The following SMYD3 variants were observed in gnomAD, a reference collection of about 807,000 sequenced individuals.
SMYD3 encodes the protein histone-lysine N-methyltransferase SMYD3.
A neutral mutation model predicts 57.7 loss-of-function variants in SMYD3; 36 were observed. The ratio of observed to expected loss-of-function variants is 0.62; its 90% CI spans 0.48 to 0.82. The LOEUF is 0.82. SMYD3 is among the 40% of genes least tolerant of loss of function. The probability of loss-of-function intolerance (pLI) is 0.00; values close to 1 mark genes in which losing one functional copy is unlikely to be tolerated. For synonymous variants in SMYD3, 211 were observed against 195.0 expected (o/e 1.08, Z -0.68); for missense variants, 515 against 538.8 (o/e 0.96, Z 0.44).
intron 5 of SMYD3, among the ~76,000 whole-genome samples, chr1:246,145,598 C>T (rs1004113703): frequency 5.9e-5 from 9 of 152,196 alleles, no homozygotes; most frequent in African/African-American, 2.2e-4. Flanking sequence ...AGAGCACAGG[C>T]TTGGCAATCA....
In SMYD3 at chr1:246,277,860, C is replaced by T. The variant is rs76012869; in HGVS notation, c.531+49341G>A. ...CAAAGCAGATCAGTGGTTGCTGCAG[C>T]CAGACGTGTAGGAGGATTGATACCA... is the stretch of plus-strand genomic sequence containing the variant. On this transcript the variant is annotated intron_variant, in intron 5 of 11. Coordinates refer to ENST00000490107, the MANE Select transcript of SMYD3 (RefSeq NM_001167740.2). 5.2e-4 allele frequency among the ~76,000 whole-genome samples: 79 copies of T among 152,230 alleles called. No homozygotes were observed. In the East Asian group the frequency reaches 0.014, roughly 28 times the overall value.
Position 245,979,071 on chromosome 1 carries a change from A to C in SMYD3, c.532-49134T>G, listed in dbSNP as rs185702018. Among the ~76,000 whole-genome samples the C allele has an allele frequency of 8.5e-5, 13 of 152,272 alleles. No homozygotes were observed. In the East Asian group the frequency reaches 2.5e-3, roughly 29 times the overall value. ...CCATGAGTGGGTGGAAATAATATTTAGTGAAAAGAAGAGTCTCGGCATCTT... is the reference window on the plus strand; with the variant it reads ...CCATGAGTGGGTGGAAATAATATTTCGTGAAAAGAAGAGTCTCGGCATCTT... On this transcript the variant is annotated intron_variant, in intron 5 of 11. Transcript: ENST00000490107.
intron 10 of SMYD3, among the ~76,000 whole-genome samples, chr1:245,766,784 A>G (rs1013072371): frequency 2.0e-5 from 3 of 152,216 alleles, no homozygotes; most frequent in African/African-American, 7.2e-5. Flanking sequence ...AAGGAAAGAC[A>G]ATCTTCAGTT....
At chr1:245,793,152 A>T (rs1217822683) in intron 10 of SMYD3, among the ~76,000 whole-genome samples, 1 of 149,020 alleles carries the variant, frequency 6.7e-6, no homozygotes, top group Non-Finnish European at 1.5e-5. Flanking sequence ...TACTAAAAAT[A>T]CAAAAAATGA....
chr1:246,462,002 A>G (rs1256953592), intron 1 of SMYD3, among the ~76,000 whole-genome samples: 1 of 152,246 alleles, frequency 6.6e-6, no homozygotes, highest in Non-Finnish European at 1.5e-5. Flanking sequence ...CACAGAGTAG[A>G]GTACCTAATC....
At chr1:246,416,752 A>G (rs2067068747) in intron 1 of SMYD3, among the ~76,000 whole-genome samples, 3 of 151,986 alleles carry the variant, frequency 2.0e-5, no homozygotes, top group South Asian at 2.1e-4. Context: ...TTAAAAAAAC[A>G]GAAGACCTTA....
At position 246,401,343 on chromosome 1, in the gene SMYD3, T is replaced by A. The variant is rs1010348083; in HGVS notation, c.165-46249A>T. 2.0e-5 allele frequency among the ~76,000 whole-genome samples: 3 copies of A among 152,194 alleles called. No homozygotes were observed. In the East Asian group the frequency reaches 5.8e-4, roughly 29 times the overall value. On this transcript the variant is annotated intron_variant, in intron 1 of 11. Transcript: ENST00000490107. The stretch of plus-strand genomic sequence containing the variant: ...AAGACCCCATCTCTATTTAAACTTT[T>A]TTTTTTTTGAGACACAGTCTTGCTC...
chr1:246,034,166 T>C (rs1243362414), intron 5 of SMYD3, among the ~76,000 whole-genome samples: 4 of 152,186 alleles, frequency 2.6e-5, no homozygotes, highest in African/African-American at 9.7e-5. Flanking sequence ...ACAGAATGCA[T>C]CCTAGTAGAT....
intron 10 of SMYD3, among the ~76,000 whole-genome samples, chr1:245,797,315 G>A (rs535529773): frequency 1.3e-5 from 2 of 152,116 alleles, no homozygotes; most frequent in East Asian, 3.9e-4. Context: ...AAGAAAATGT[G>A]GCATATATAC....
intron 5 of SMYD3, among the ~76,000 whole-genome samples, chr1:246,060,726 C>G (rs1572961243): frequency 6.6e-6 from 1 of 152,102 alleles, no homozygotes; most frequent in Non-Finnish European, 1.5e-5. Context: ...AATCACTCAG[C>G]TCCCATAAAG....
chr1:246,104,596 T>G (rs142197093), intron 5 of SMYD3, among the ~76,000 whole-genome samples: 3 of 152,112 alleles, frequency 2.0e-5, no homozygotes, highest in Non-Finnish European at 4.4e-5. Flanking sequence ...AGGCTGGTCA[T>G]GTTGCAATAG....
intron 8 of SMYD3, among the ~76,000 whole-genome samples, chr1:245,872,571 G>A (rs530514062): frequency 6.6e-6 from 1 of 152,242 alleles, no homozygotes; most frequent in Non-Finnish European, 1.5e-5. Flanking sequence ...GCAACCAGGG[G>A]CTGTGAGCCC....
intron 5 of SMYD3, among the ~76,000 whole-genome samples, chr1:245,981,213 T>C (rs1234412556): frequency 2.0e-5 from 3 of 152,222 alleles, no homozygotes; most frequent in African/African-American, 7.2e-5. Flanking sequence ...ATTGAGGTTT[T>C]AGGACAGGTA....
At chr1:246,060,149 A>G (rs894559636) in intron 5 of SMYD3, among the ~76,000 whole-genome samples, 5 of 152,084 alleles carry the variant, frequency 3.3e-5, no homozygotes, top group Non-Finnish European at 5.9e-5. Flanking sequence ...TTAGCCAGGC[A>G]TGGTGGCACA....
At chr1:246,056,088 A>T (rs1003644191) in intron 5 of SMYD3, among the ~76,000 whole-genome samples, 5 of 152,174 alleles carry the variant, frequency 3.3e-5, no homozygotes, top group African/African-American at 1.2e-4. Flanking sequence ...AAGTAATGGA[A>T]ATGTTCTCTA....
At chr1:245,900,012 C>G (rs147598368) in intron 8 of SMYD3, among the ~76,000 whole-genome samples, 2 of 152,306 alleles carry the variant, frequency 1.3e-5, no homozygotes, top group African/African-American at 4.8e-5. Flanking sequence ...AGCTTGCCAA[C>G]TGCAGATCTT....
At chr1:245,826,406 G>A (rs1219354216) in intron 10 of SMYD3, among the ~76,000 whole-genome samples, 10 of 151,956 alleles carry the variant, frequency 6.6e-5, no homozygotes, top group Non-Finnish European at 1.5e-4. Context: ...ATAGAGAAGG[G>A]GTCTCACTAT....
chr1:246,315,901 C>CA (rs2065148366), intron 5 of SMYD3, among the ~76,000 whole-genome samples: 1 of 152,170 alleles, frequency 6.6e-6, no homozygotes, highest in Non-Finnish European at 1.5e-5. Context: ...TCTTATTTTC[C>CA]ACATCAAATG....
intron 5 of SMYD3, among the ~76,000 whole-genome samples, chr1:246,268,344 G>A (rs750644485): frequency 6.6e-6 from 1 of 152,142 alleles, no homozygotes; most frequent in Non-Finnish European, 1.5e-5. Flanking sequence ...ACATCAGGAA[G>A]TTACCCTATA....
Sources: allele counts gnomAD v4.1 joint callset (sites outside exome capture counted in the v4.1 genomes callset), GRCh38; gene constraint gnomAD v4.1.1; transcripts MANE v1.5; gene names NCBI Gene and HGNC (gene_info 2026-07-23, HGNC 2026-07-21).